The following PTPN11 variants were observed in gnomAD, a reference collection of about 807,000 sequenced individuals.
PTPN11 encodes the protein protein tyrosine phosphatase non-receptor type 11.
PTPN11 carries 6 observed loss-of-function variants against 78.8 expected under a neutral mutation model. The ratio of observed to expected loss-of-function variants is 0.08; its 90% CI spans 0.04 to 0.15. The LOEUF is 0.15. Ranked by LOEUF, PTPN11 falls within the 10% of genes least tolerant of loss-of-function variation. The pLI is 1.00. For missense variants in PTPN11, 386 were observed against 744.8 expected, an observed-to-expected ratio of 0.52 and a Z score of 5.61; for synonymous variants, 221 against 263.5, an observed-to-expected ratio of 0.84 and a Z score of 1.56.
At chr12:112,502,121 A>G in intron 13 of PTPN11, 23 bp from the exon 14 acceptor site, 1 of 1,552,430 alleles carries the variant, frequency 6.4e-7, no homozygotes, top group South Asian at 1.1e-5. Flanking sequence ...TGTCCCTCAC[A>G]TGTGCACTCT....
chr12:112,431,931 AG>A lies in PTPN11; in HGVS notation c.14+12812del, dbSNP rs201725245. 1.2e-3 allele frequency among the ~76,000 whole-genome samples: 180 copies of A among 152,278 alleles called. 3 individuals are homozygous for A. The East Asian group carries it at 0.031, about 26-fold the overall frequency. ...GGAAAAAAAATACCACAGACTAAAA[AG>A]GGGGGAAAAAAACCAGAGACAAATA... On this transcript the variant is annotated intron_variant, in intron 1 of 15. Coordinates refer to ENST00000351677, the MANE Select transcript of PTPN11 (RefSeq NM_002834.5).
intron 13 of PTPN11, among the ~76,000 whole-genome samples, chr12:112,491,221 C>T (rs1459963391): frequency 6.6e-6 from 1 of 151,478 alleles, no homozygotes; most frequent in African/African-American, 2.4e-5. Context: ...TTCTCACACT[C>T]TGCCAGTTCC....
At chr12:112,422,748 G>C (rs1192413955) in intron 1 of PTPN11, among the ~76,000 whole-genome samples, 1 of 152,142 alleles carries the variant, frequency 6.6e-6, no homozygotes, top group African/African-American at 2.4e-5. Context: ...CCAAGTTTTT[G>C]GTTAGAGTTG....
At chr12:112,486,267 G>A (rs778747990) in intron 10 of PTPN11, among the ~76,000 whole-genome samples, 1 of 152,128 alleles carries the variant, frequency 6.6e-6, no homozygotes, top group Non-Finnish European at 1.5e-5. Context: ...CATGCCAGAC[G>A]TCTTGGTTCT....
intron 10 of PTPN11, among the ~76,000 whole-genome samples, chr12:112,484,307 A>G (rs1020634667): frequency 6.6e-6 from 1 of 152,218 alleles, no homozygotes; most frequent in Non-Finnish European, 1.5e-5. Context: ...AAATATACTG[A>G]TACCCATTGC....
chr12:112,442,583 T>C (rs533794515), intron 1 of PTPN11, among the ~76,000 whole-genome samples: 199 of 151,202 alleles, frequency 1.3e-3, no homozygotes, highest in African/African-American at 4.7e-3. Flanking sequence ...CCCTGAGTAG[T>C]TGGGACTATA....
At chr12:112,425,004 G>GTGTA (rs1566153562) in intron 1 of PTPN11, among the ~76,000 whole-genome samples, 2 of 139,128 alleles carry the variant, frequency 1.4e-5, no homozygotes, top group Admixed American at 7.2e-5. Flanking sequence ...GTGTGTGTGT[G>GTGTA]TGTGTATGTA....
At chr12:112,430,005 A>G (rs959830553) in intron 1 of PTPN11, among the ~76,000 whole-genome samples, 7 of 152,154 alleles carry the variant, frequency 4.6e-5, no homozygotes, top group African/African-American at 1.4e-4. Context: ...AATGTATAAT[A>G]GCCAACATAT....
intron 1 of PTPN11, among the ~76,000 whole-genome samples, chr12:112,443,413 T>C (rs1029153926): frequency 2.0e-5 from 3 of 151,150 alleles, no homozygotes; most frequent in Admixed American, 6.6e-5. Context: ...GGCTGGAGTA[T>C]AATGATGCGA....
At chr12:112,505,159 A>G (rs2135931148) in intron 15 of PTPN11, among the ~76,000 whole-genome samples, 1 of 152,230 alleles carries the variant, frequency 6.6e-6, no homozygotes, top group South Asian at 2.1e-4. Context: ...GGGACTCAGC[A>G]CTGGGTGGTT....
At position 112,454,621 on chromosome 12, in the gene PTPN11, G is replaced by A. The variant is rs1181200121; in HGVS notation, c.583G>A (p.Glu195Lys). 1.9e-6 allele frequency: 3 copies of A among 1,613,724 alleles called. No individual in the cohort carries two copies. Among genetic ancestry groups the A allele is most frequent in the African/African-American group, 1.3e-5 (1 of 74,898 alleles). ...ERFDSLTDLV[E>K]HYKKNPMVET... The stretch of plus-strand genomic sequence containing the variant: ...GTTTGATTCTTTGACAGATCTTGTG[G>A]AACATTATAAGAAGAATCCTATGGT... Residue 195 changes from glutamate to lysine, a missense_variant, in exon 5 of 16, where the codon GAA (glutamate) becomes AAA (lysine). Physicochemically the swap from Glu to Lys is moderately conservative, Grantham distance 56. This residue lies in a region of PTPN11 where 279 missense variants were observed against 503.3 expected (regional missense o/e 0.55). Coordinates refer to ENST00000351677, the MANE Select transcript of PTPN11 (RefSeq NM_002834.5).
intron 10 of PTPN11, among the ~76,000 whole-genome samples, chr12:112,485,319 G>A (rs1435863272): frequency 1.3e-5 from 2 of 152,138 alleles, no homozygotes; most frequent in East Asian, 1.9e-4. Context: ...GGAATGAATG[G>A]TGCTGCTACA....
chr12:112,479,554 G>A (rs1951155891), intron 9 of PTPN11, among the ~76,000 whole-genome samples: 1 of 152,186 alleles, frequency 6.6e-6, no homozygotes, highest in African/African-American at 2.4e-5. Flanking sequence ...GTTTCCTTCA[G>A]CAAATGCCTG....
Position 112,445,456 on chromosome 12 carries a change from A to G in PTPN11, c.15-820A>G, listed in dbSNP as rs116260404. On this transcript the variant is annotated intron_variant, in intron 1 of 15. Coordinates refer to ENST00000351677, the MANE Select transcript of PTPN11 (RefSeq NM_002834.5). ...CAGAAGCATACATATCTATTTCTAT[A>G]TCTACATTTCTGTCTTTACATGTAT... 2.1e-3 allele frequency among the ~76,000 whole-genome samples: 321 copies of G among 152,010 alleles called. 1 individual carries two copies. The highest frequency in any genetic ancestry group is 0.01 in the Middle Eastern group (3 of 294).
At chr12:112,465,685 G>T (rs932901536) in intron 6 of PTPN11, among the ~76,000 whole-genome samples, 4 of 152,034 alleles carry the variant, frequency 2.6e-5, no homozygotes, top group Non-Finnish European at 5.9e-5. Flanking sequence ...AGATTTTTCT[G>T]CTTCTTGACT....
chr12:112,471,975 G>T (rs2038425447), intron 6 of PTPN11, among the ~76,000 whole-genome samples: 1 of 151,624 alleles, frequency 6.6e-6, no homozygotes, highest in African/African-American at 2.4e-5. Context: ...CTGGTTTGTT[G>T]GCCATGTCTG....
At chr12:112,485,027 G>A (rs1253656006) in intron 10 of PTPN11, among the ~76,000 whole-genome samples, 1 of 152,238 alleles carries the variant, frequency 6.6e-6, no homozygotes, top group African/African-American at 2.4e-5. Context: ...TTGGGAGGCT[G>A]AAGTGGGTGG....
At chr12:112,474,819 C>T (rs1011790769) in intron 7 of PTPN11, among the ~76,000 whole-genome samples, 2 of 151,912 alleles carry the variant, frequency 1.3e-5, no homozygotes, top group South Asian at 4.2e-4. Flanking sequence ...TTTGTAGAGA[C>T]AGGGTTTCGT....
chr12:112,464,456 A>G (rs1417064986), intron 6 of PTPN11, among the ~76,000 whole-genome samples: 1 of 151,664 alleles, frequency 6.6e-6, no homozygotes, highest in African/African-American at 2.4e-5. Context: ...TATTTTTGAG[A>G]TGGAGTCTCA....
Sources: allele counts gnomAD v4.1 joint callset (sites outside exome capture counted in the v4.1 genomes callset), GRCh38; gene constraint gnomAD v4.1.1; regional missense constraint gnomAD v4.1.1; transcripts MANE v1.5; gene names NCBI Gene and HGNC (gene_info 2026-07-23, HGNC 2026-07-21).